The following MOV10L1 variants were observed in gnomAD, a reference collection of about 807,000 sequenced individuals.
The protein encoded by MOV10L1 is RNA helicase Mov10l1.
MOV10L1 carries 110 observed loss-of-function variants against 143.8 expected under a neutral mutation model. The ratio of observed to expected loss-of-function variants is 0.76; its 90% CI spans 0.66 to 0.90. MOV10L1 has a LOEUF of 0.90. MOV10L1 is among the 40% of genes least tolerant of loss of function. The pLI is 0.00. For synonymous variants in MOV10L1, 593 were observed against 581.1 expected (o/e 1.02, Z -0.29); for missense variants, 1,406 against 1,526.8 (o/e 0.92, Z 1.32).
intron 10 of MOV10L1, among the ~76,000 whole-genome samples, chr22:50,125,093 C>T (rs2062459477): frequency 6.6e-6 from 1 of 152,260 alleles, no homozygotes; most frequent in Admixed American, 6.5e-5. Flanking sequence ...CCAGAATTAA[C>T]GTGGACAACC....
intron 26 of MOV10L1, 59 bp downstream of exon 26, chr22:50,161,114 G>T: frequency 4.6e-6 from 7 of 1,516,456 alleles, no homozygotes; most frequent in South Asian, 2.2e-5. Flanking sequence ...GCTCTAGCCT[G>T]CCCTCCCCTG....
At position 50,142,070 on chromosome 22, in the gene MOV10L1, A is replaced by G. The variant is rs751157986; in HGVS notation, c.2071-11A>G. The G allele has an allele frequency of 1.2e-6, 2 of 1,603,054 alleles. No homozygotes were observed. The highest frequency in any genetic ancestry group is 2.7e-5 in the African/African-American group (2 of 74,306). ...TTTTTTTAAAACATTTTTCTGCCTG[A>G]TAATTTCTAGAATAGGAAAACAATG... On this transcript the variant is annotated splice_polypyrimidine_tract_variant and intron_variant, in intron 15 of 26. Transcript: ENST00000262794.
chr22:50,117,916 T>C (rs1318770790), intron 9 of MOV10L1, among the ~76,000 whole-genome samples: 1 of 152,136 alleles, frequency 6.6e-6, no homozygotes, highest in Non-Finnish European at 1.5e-5. Context: ...TTCTCTTCTG[T>C]AGTTATAAAA....
At chr22:50,129,103 AT>A (rs1220323149) in intron 13 of MOV10L1, among the ~76,000 whole-genome samples, 2 of 152,052 alleles carry the variant, frequency 1.3e-5, no homozygotes, top group Non-Finnish European at 2.9e-5. Context: ...CTCCTACAGC[AT>A]TTTTGCATAC....
chr22:50,132,968 G>T (rs973648400), intron 13 of MOV10L1, among the ~76,000 whole-genome samples: 1 of 151,998 alleles, frequency 6.6e-6, no homozygotes, highest in East Asian at 1.9e-4. Flanking sequence ...CCCAGGAGGC[G>T]GAGGTTGCAG....
At chr22:50,136,997 C>T (rs950235228) in intron 15 of MOV10L1, among the ~76,000 whole-genome samples, 3 of 152,166 alleles carry the variant, frequency 2.0e-5, no homozygotes, top group Non-Finnish European at 4.4e-5. Context: ...CCGGCCCAGA[C>T]TGACAAAGTA....
intron 21 of MOV10L1, among the ~76,000 whole-genome samples, chr22:50,151,317 C>T (rs953338428): frequency 3.9e-5 from 6 of 152,204 alleles, no homozygotes; most frequent in Non-Finnish European, 7.3e-5. Context: ...GAGCCCCCAG[C>T]ACACTGAGCT....
intron 17 of MOV10L1, 143 bp from the exon 18 acceptor site, chr22:50,143,954 C>G (rs1396559164): frequency 9.3e-7 from 1 of 1,070,122 alleles, no homozygotes; most frequent in African/African-American, 1.6e-5. Context: ...AGTCGTGGCC[C>G]AGGTCTCAGT....
intron 13 of MOV10L1, among the ~76,000 whole-genome samples, chr22:50,130,307 AT>A (rs2062635131): frequency 6.6e-6 from 1 of 152,000 alleles, no homozygotes; most frequent in Admixed American, 6.6e-5. Flanking sequence ...TTATATATAT[AT>A]GTCTTTTTAT....
chr22:50,157,992 C>T lies in MOV10L1; in HGVS notation c.3067-65C>T. On this transcript the variant is annotated intron_variant, in intron 22 of 26. Coordinates refer to ENST00000262794, the MANE Select transcript of MOV10L1 (RefSeq NM_018995.3). ...GTATTCCCAGCACCGACTTCAGCTC[C>T]TGGATTGTAGCCTTCTGGTGAATAT... The T allele has an allele frequency of 5.1e-6, 8 of 1,553,406 alleles. No homozygotes were observed. The Middle Eastern group carries it at 8.7e-4, about 168-fold the overall frequency.
chr22:50,102,683 C>A (rs1452702095), intron 3 of MOV10L1, among the ~76,000 whole-genome samples: 2 of 152,086 alleles, frequency 1.3e-5, no homozygotes, highest in Non-Finnish European at 1.5e-5. Flanking sequence ...GGGCGGATCA[C>A]CTGAGGTTGG....
At chr22:50,123,150 C>T (rs546451388) in intron 10 of MOV10L1, among the ~76,000 whole-genome samples, 4 of 146,794 alleles carry the variant, frequency 2.7e-5, no homozygotes, top group Non-Finnish European at 5.9e-5. Flanking sequence ...GAGCTGAGAT[C>T]GCACCATTGC....
Position 50,114,277 on chromosome 22 carries a change from A to T in MOV10L1, c.885-104A>T, listed in dbSNP as rs189688747. ...CCTTTTGACTTATATTCATAAGTGT[A>T]TTTGCAGTCACCACTTCCTAGATTA... On this transcript the variant is annotated intron_variant, in intron 6 of 26. Coordinates refer to ENST00000262794, the MANE Select transcript of MOV10L1 (RefSeq NM_018995.3). 1.1e-4 allele frequency: 142 copies of T among 1,345,188 alleles called. 3 individuals carry two copies. In the South Asian group the frequency reaches 1.8e-3, roughly 17 times the overall value. 83.3% of individuals were successfully genotyped at this position (1,345,188 alleles called of 1,614,324 possible).
Position 50,100,399 on chromosome 22 carries a change from C to A in MOV10L1, c.442+797C>A, listed in dbSNP as rs532306576. Among the ~76,000 whole-genome samples the A allele has an allele frequency of 5.9e-5, 9 of 152,282 alleles. No homozygotes were observed. In the South Asian group the frequency reaches 1.9e-3, roughly 32 times the overall value. On this transcript the variant is annotated intron_variant, in intron 3 of 26. Coordinates refer to ENST00000262794, the MANE Select transcript of MOV10L1 (RefSeq NM_018995.3). ...TTCCATATAATTATAGTGTTATGAT[C>A]TAAGTTAGTGTTACTGGCATGCTGA...
At chr22:50,113,401 C>G (rs577686582) in intron 5 of MOV10L1, among the ~76,000 whole-genome samples, 4 of 152,182 alleles carry the variant, frequency 2.6e-5, no homozygotes, top group Non-Finnish European at 5.9e-5. Flanking sequence ...GTTCAGGACA[C>G]CGTTCTCAGA....
Position 50,144,353 on chromosome 22 carries a change from A to G in MOV10L1, c.2505+110A>G, listed in dbSNP as rs191589445. On this transcript the variant is annotated intron_variant, in intron 18 of 26. Coordinates refer to ENST00000262794, the MANE Select transcript of MOV10L1 (RefSeq NM_018995.3). ...GTAGGAGGGTGGGCACAGAGGCGCC[A>G]CAGAAAGCTGTGTTTGAGAAATGGC... is the stretch of plus-strand genomic sequence containing the variant. 5.6e-5 allele frequency: 75 copies of G among 1,338,998 alleles called. No individual in the cohort carries two copies. In the Middle Eastern group the frequency reaches 8.3e-4, roughly 15 times the overall value. 82.9% of individuals were successfully genotyped at this position (1,338,998 alleles called of 1,614,324 possible).
At chr22:50,140,729 C>CT (rs3042026) in intron 15 of MOV10L1, among the ~76,000 whole-genome samples, 2,969 of 147,728 alleles carry the variant, frequency 0.02, 104 homozygotes, top group African/African-American at 0.068. Flanking sequence ...TAACGTGAAA[C>CT]TTTTTTTTTT....
chr22:50,132,184 G>A (rs936120256), intron 13 of MOV10L1, among the ~76,000 whole-genome samples: 2 of 152,168 alleles, frequency 1.3e-5, no homozygotes, highest in African/African-American at 4.8e-5. Context: ...ACGAAGCTGG[G>A]GGGAACACAA....
chr22:50,128,540 CTTTTTTTTT>C, intron 13 of MOV10L1, 33 bp downstream of exon 13: 5 of 486,130 alleles, frequency 1.0e-5, no homozygotes, highest in Non-Finnish European at 1.3e-5. Flanking sequence ...TTTCAAATGT[CTTTTTTTTT>C]TTTTTTTTTT....
Sources: gnomAD v4.1 joint callset for allele counts (sites outside exome capture counted in the v4.1 genomes callset) on GRCh38, gnomAD v4.1.1 for gene constraint, MANE v1.5 for transcripts, NCBI Gene and HGNC (gene_info 2026-07-23, HGNC 2026-07-21) for gene names.